FCHO2: variants seen among roughly 807,000 people sequenced by gnomAD.
FCHO2 encodes the protein F-BAR domain only protein 2.
A neutral mutation model predicts 114.1 loss-of-function variants in FCHO2; 43 were observed. The observed-to-expected ratio is 0.38, with a 90% CI of 0.30 to 0.49. The LOEUF is 0.49. Ranked by LOEUF, FCHO2 falls within the 20% of genes least tolerant of loss-of-function variation. The probability of loss-of-function intolerance (pLI) is 0.97; values close to 1 mark genes in which losing one functional copy is unlikely to be tolerated. For synonymous variants in FCHO2, 293 were observed against 315.2 expected, an observed-to-expected ratio of 0.93 and a Z score of 0.75; for missense variants, 807 against 950.4, an observed-to-expected ratio of 0.85 and a Z score of 1.98.
At chr5:73,034,499 T>G (rs199723826) in intron 8 of FCHO2, 158 bp from the exon 9 acceptor site, 5 of 467,386 alleles carry the variant, frequency 1.1e-5, no homozygotes, top group Non-Finnish European at 1.9e-5. Context: ...TTGCTGATAT[T>G]TTAATTATTA....
At position 73,063,963 on chromosome 5, in the gene FCHO2, T is replaced by C; in HGVS notation, c.1449+19T>C. The C allele has an allele frequency of 1.9e-6, 3 of 1,568,922 alleles. No individual in the cohort carries two copies. The highest frequency in any genetic ancestry group is 2.6e-6 in the Non-Finnish European group (3 of 1,149,048). On this transcript the variant is annotated intron_variant, in intron 18 of 25. Transcript: ENST00000430046. ...TGAAATAGTATGTACTCAGGTTTTT[T>C]AAAAATTATTTAACTGTTTTGATTT...
chr5:72,964,242 A>T (rs1213045632), intron 1 of FCHO2, among the ~76,000 whole-genome samples: 1 of 152,196 alleles, frequency 6.6e-6, no homozygotes, highest in African/African-American at 2.4e-5. Flanking sequence ...AATATAAAAG[A>T]TTAGGGAAGA....
chr5:73,007,635 A>G (rs910502747), intron 6 of FCHO2, among the ~76,000 whole-genome samples: 3 of 152,206 alleles, frequency 2.0e-5, no homozygotes, highest in African/African-American at 7.2e-5. Context: ...GTGTGCATGT[A>G]TGTGCATATC....
intron 5 of FCHO2, among the ~76,000 whole-genome samples, chr5:72,992,630 A>T (rs570923424): frequency 6.6e-6 from 1 of 152,224 alleles, no homozygotes; most frequent in Non-Finnish European, 1.5e-5. Context: ...GGTTGCTGAC[A>T]AGAACTAAAG....
chr5:73,066,478 G>A (rs901869310), intron 18 of FCHO2, among the ~76,000 whole-genome samples: 2 of 150,804 alleles, frequency 1.3e-5, no homozygotes, highest in Admixed American at 6.6e-5. Context: ...TAAACTGTAT[G>A]TACATTTTTA....
chr5:72,966,042 C>T (rs1048689489), intron 1 of FCHO2, among the ~76,000 whole-genome samples: 1 of 152,130 alleles, frequency 6.6e-6, no homozygotes, highest in African/African-American at 2.4e-5. Flanking sequence ...ATACAATATA[C>T]AATCTATCTT....
Position 73,078,210 on chromosome 5 carries a change from A to G in FCHO2, c.1878A>G (p.Lys626=). ...CATCACAATGTGATTCCAACACAAA[A>G]GATTTTTGGATGAACATGCAAGCTG... ...SDPSQCDSNT[K]DFWMNMQAVT... The change falls in exon 22 of 26, where the codon AAA becomes AAG. Residue 626 remains lysine, a synonymous_variant. Coordinates refer to ENST00000430046, the MANE Select transcript of FCHO2 (RefSeq NM_138782.3). The G allele has an allele frequency of 6.4e-7, 1 of 1,574,776 alleles. No individual in the cohort carries two copies. The highest frequency in any genetic ancestry group is 1.2e-5 in the South Asian group (1 of 84,332).
chr5:73,079,995 G>A (rs1048281818), intron 22 of FCHO2, among the ~76,000 whole-genome samples: 4 of 152,210 alleles, frequency 2.6e-5, no homozygotes, highest in Admixed American at 6.5e-5. Context: ...AGCCATGTAA[G>A]AAGAGAATGA....
chr5:73,036,296 G>A (rs543229669), intron 9 of FCHO2, among the ~76,000 whole-genome samples: 34 of 152,108 alleles, frequency 2.2e-4, no homozygotes, highest in Middle Eastern at 3.4e-3. Flanking sequence ...TTTGTATTAG[G>A]GACAACATTA....
chr5:72,979,661 G>T (rs1258384798), intron 2 of FCHO2, among the ~76,000 whole-genome samples: 1 of 151,896 alleles, frequency 6.6e-6, no homozygotes, highest in African/African-American at 2.4e-5. Flanking sequence ...AAAGTGCTGG[G>T]ATTACAGGCG....
chr5:73,008,389 G>A (rs1219060621), intron 6 of FCHO2, among the ~76,000 whole-genome samples: 1 of 152,112 alleles, frequency 6.6e-6, no homozygotes, highest in African/African-American at 2.4e-5. Context: ...ATGCATTGGA[G>A]ATGGCAGGGA....
intron 8 of FCHO2, chr5:73,021,116 G>A (rs1383613913): frequency 1.3e-6 from 1 of 787,130 alleles, no homozygotes; most frequent in Middle Eastern, 2.5e-4. Context: ...TTGATGACAA[G>A]TTCTGGAATC....
At chr5:73,077,258 G>A (rs886448069) in intron 20 of FCHO2, 80 bp from the exon 21 acceptor site, 9 of 1,331,158 alleles carry the variant, frequency 6.8e-6, no homozygotes, top group South Asian at 3.0e-5. Flanking sequence ...GCACGTGCAC[G>A]CGTGTGCCTT....
chr5:72,974,069 AGTT>A (rs1222451173), intron 2 of FCHO2, among the ~76,000 whole-genome samples: 1 of 149,758 alleles, frequency 6.7e-6, no homozygotes, highest in Non-Finnish European at 1.5e-5. Context: ...TCTGAGAGAT[AGTT>A]TGTTATAATT....
chr5:73,004,862 T>C (rs538361544), intron 5 of FCHO2, among the ~76,000 whole-genome samples: 2 of 152,362 alleles, frequency 1.3e-5, no homozygotes, highest in African/African-American at 4.8e-5. Flanking sequence ...AATCTCTTAC[T>C]GTGCCTAATT....
chr5:72,985,801 T>G (rs1753492068), intron 2 of FCHO2, among the ~76,000 whole-genome samples: 1 of 152,206 alleles, frequency 6.6e-6, no homozygotes, highest in African/African-American at 2.4e-5. Context: ...CTTTTTAATT[T>G]TCAGCGGTTT....
chr5:73,037,305 G>A, intron 10 of FCHO2, 90 bp downstream of exon 10: 6 of 930,120 alleles, frequency 6.5e-6, no homozygotes, highest in Admixed American at 3.4e-5. Context: ...AAAGTATTTT[G>A]GAAATAACTC....
At chr5:72,993,350 AC>A (rs1467930344) in intron 5 of FCHO2, among the ~76,000 whole-genome samples, 2 of 152,178 alleles carry the variant, frequency 1.3e-5, no homozygotes, top group Non-Finnish European at 2.9e-5. Context: ...CTTATCCAGA[AC>A]ATAGTAGGAG....
At position 73,088,549 on chromosome 5, in the gene FCHO2, A is replaced by G. The variant is rs997998381; in HGVS notation, c.*459A>G. ...AGAACATGAATTCTAAGTTTTGGGT[A>G]ATGTTAACTCAGAACACTTAATCAA... On this transcript the variant is annotated 3_prime_UTR_variant, in exon 26 of 26. Coordinates refer to ENST00000430046, the MANE Select transcript of FCHO2 (RefSeq NM_138782.3). The G allele has an allele frequency of 1.2e-5, 2 of 167,162 alleles. No homozygotes were observed. Among genetic ancestry groups the G allele is most frequent in the African/African-American group, 4.8e-5 (2 of 41,732 alleles). The allele number at this position is 167,162 out of a possible 1,614,324, so 10.4% of individuals were successfully genotyped here.
Sources: gnomAD v4.1 joint callset for allele counts (sites outside exome capture counted in the v4.1 genomes callset) on GRCh38, gnomAD v4.1.1 for gene constraint, MANE v1.5 for transcripts, NCBI Gene and HGNC (gene_info 2026-07-23, HGNC 2026-07-21) for gene names.